The following GORASP2 variants were observed in gnomAD, a reference collection of about 807,000 sequenced individuals.
GORASP2 encodes the protein golgi reassembly stacking protein 2.
A neutral mutation model predicts 45.7 loss-of-function variants in GORASP2; 22 were observed. The ratio of observed to expected loss-of-function variants is 0.48; its 90% CI spans 0.34 to 0.69. The LOEUF (loss-of-function observed/expected upper bound fraction) is 0.69. Among genes scored for constraint, GORASP2 ranks in the 30% least tolerant of loss-of-function variants. GORASP2 has a pLI of 0.01. For missense variants in GORASP2, 491 were observed against 562.7 expected (o/e 0.87, Z 1.29); for synonymous variants, 221 against 215.6 (o/e 1.02, Z -0.22).
At chr2:170,936,285 G>A (rs1413211140) in intron 1 of GORASP2, among the ~76,000 whole-genome samples, 1 of 138,508 alleles carries the variant, frequency 7.2e-6, no homozygotes, top group Non-Finnish European at 1.5e-5. Flanking sequence ...GGAGTGTTGT[G>A]GTGTGGTCAT....
At chr2:170,948,945 T>C (rs1160127143) in intron 2 of GORASP2, among the ~76,000 whole-genome samples, 2 of 152,216 alleles carry the variant, frequency 1.3e-5, no homozygotes, top group Admixed American at 6.5e-5. Flanking sequence ...AAAGAAATTA[T>C]ATAATCTCAG....
At chr2:170,933,458 T>C (rs1019093089) in intron 1 of GORASP2, among the ~76,000 whole-genome samples, 1 of 152,140 alleles carries the variant, frequency 6.6e-6, no homozygotes, top group Non-Finnish European at 1.5e-5. Context: ...AGGTGAGAAA[T>C]TGTTAAACAA....
At chr2:170,931,077 TTATG>T (rs1471594052) in intron 1 of GORASP2, among the ~76,000 whole-genome samples, 3 of 152,058 alleles carry the variant, frequency 2.0e-5, no homozygotes, top group Non-Finnish European at 4.4e-5. Context: ...TGTATTTTCT[TTATG>T]TAAGTGCAGT....
chr2:170,944,790 A>AG (rs1368142664), intron 1 of GORASP2, among the ~76,000 whole-genome samples: 1 of 152,200 alleles, frequency 6.6e-6, no homozygotes. Context: ...TCAGTGACCT[A>AG]GTTGAGTTCT....
At chr2:170,930,675 A>G (rs2105307534) in intron 1 of GORASP2, among the ~76,000 whole-genome samples, 1 of 152,178 alleles carries the variant, frequency 6.6e-6, no homozygotes, top group East Asian at 1.9e-4. Context: ...CGAAAGGAAA[A>G]GGGAGCCTAT....
chr2:170,935,757 G>A (rs188716697), intron 1 of GORASP2, among the ~76,000 whole-genome samples: 5 of 151,874 alleles, frequency 3.3e-5, no homozygotes, highest in African/African-American at 1.2e-4. Flanking sequence ...TGTATTTTCG[G>A]TAGAGATGGG....
intron 7 of GORASP2, among the ~76,000 whole-genome samples, chr2:170,960,156 A>T (rs1025282877): frequency 6.6e-6 from 1 of 151,958 alleles, no homozygotes; most frequent in East Asian, 1.9e-4. Flanking sequence ...ATGTATTTTG[A>T]TCTTTCTCCT....
At chr2:170,939,367 C>T (rs1704023568) in intron 1 of GORASP2, among the ~76,000 whole-genome samples, 1 of 152,202 alleles carries the variant, frequency 6.6e-6, no homozygotes, top group Non-Finnish European at 1.5e-5. Context: ...TTGAACTCTT[C>T]TAGTCTACTG....
chr2:170,955,822 C>A (rs755189020), intron 6 of GORASP2, among the ~76,000 whole-genome samples: 1 of 152,178 alleles, frequency 6.6e-6, no homozygotes, highest in Admixed American at 6.5e-5. Context: ...CAGGTTGTCT[C>A]GGAATGTACT....
intron 7 of GORASP2, among the ~76,000 whole-genome samples, chr2:170,957,438 C>T (rs1704452974): frequency 6.6e-6 from 1 of 152,112 alleles, no homozygotes; most frequent in Non-Finnish European, 1.5e-5. Context: ...CACCATACGG[C>T]AGCCAATTTT....
At chr2:170,961,209 A>G (rs954770797) in intron 7 of GORASP2, among the ~76,000 whole-genome samples, 3 of 152,180 alleles carry the variant, frequency 2.0e-5, no homozygotes, top group African/African-American at 7.2e-5. Context: ...CAGGCCATCT[A>G]TGTCATTCTT....
At position 170,949,670 on chromosome 2, in the gene GORASP2, C is replaced by T. The variant is rs1434151517; in HGVS notation, c.276C>T (p.Gly92=). 6.2e-7 allele frequency: 1 copy of T among 1,614,072 alleles called. No individual in the cohort carries two copies. The highest frequency in any genetic ancestry group is 1.7e-5 in the Admixed American group (1 of 60,008). The part of the protein sequence containing the change: ...TSVTPSNLWG[G]QGLLGVSIRF... ...TCACACCAAGTAACCTGTGGGGCGGCCAGGGCTTATTGGGAGTGAGCATTC... is the reference window on the plus strand; with the variant it reads ...TCACACCAAGTAACCTGTGGGGCGGTCAGGGCTTATTGGGAGTGAGCATTC... The change falls in exon 3 of 10, where the codon GGC becomes GGT. Residue 92 remains glycine (G), a synonymous_variant. Coordinates refer to ENST00000234160, the MANE Select transcript of GORASP2 (RefSeq NM_015530.5).
chr2:170,934,859 T>C (rs1218729047), intron 1 of GORASP2, among the ~76,000 whole-genome samples: 4 of 152,058 alleles, frequency 2.6e-5, no homozygotes, highest in Non-Finnish European at 5.9e-5. Context: ...TGCCTCAGCC[T>C]CCAGAGTGGC....
In GORASP2 at chr2:170,929,264, G is replaced by A. The variant is rs949453156; in HGVS notation, c.-77G>A. ...GAGTGCCACGTCCCAAGTGCTACGCGGAGGATTAGAGCAGGCGGTGCGCTG... is the reference window on the plus strand; with the variant it reads ...GAGTGCCACGTCCCAAGTGCTACGCAGAGGATTAGAGCAGGCGGTGCGCTG... On this transcript the variant is annotated 5_prime_UTR_variant, in exon 1 of 10. Transcript: ENST00000234160. The A allele has an allele frequency of 4.3e-6, 5 of 1,157,458 alleles. No homozygotes were observed. Among genetic ancestry groups the A allele is most frequent in the Admixed American group, 4.2e-5 (1 of 23,882 alleles). 71.7% of individuals were successfully genotyped at this position (1,157,458 alleles called of 1,614,324 possible). A position where few individuals can be genotyped will look rare whatever the true frequency, so the allele number is the denominator to read the frequency against.
intron 1 of GORASP2, among the ~76,000 whole-genome samples, chr2:170,930,552 GAGAC>G (rs1469716496): frequency 6.6e-6 from 1 of 152,188 alleles, no homozygotes; most frequent in Admixed American, 6.5e-5. Context: ...TGATAGGGCT[GAGAC>G]AGATCATCTT....
chr2:170,948,171 G>A (rs990346572), intron 1 of GORASP2, among the ~76,000 whole-genome samples, 179 bp from the exon 2 acceptor site: 2 of 152,062 alleles, frequency 1.3e-5, no homozygotes, highest in African/African-American at 4.8e-5. Context: ...TAAAGAATGG[G>A]TAGAGTTTAG....
chr2:170,960,914 A>G (rs1245414832), intron 7 of GORASP2, among the ~76,000 whole-genome samples: 3 of 152,234 alleles, frequency 2.0e-5, no homozygotes, highest in African/African-American at 7.2e-5. Flanking sequence ...TCTGGAATCT[A>G]TGCTAGATAA....
At chr2:170,963,374 CAA>C (rs766498214) in intron 9 of GORASP2, among the ~76,000 whole-genome samples, 16 of 76,538 alleles carry the variant, frequency 2.1e-4, no homozygotes, top group Admixed American at 3.1e-4. Flanking sequence ...GACTTCATCT[CAA>C]AAAAAAAAAA....
intron 1 of GORASP2, among the ~76,000 whole-genome samples, chr2:170,947,907 G>A (rs1436874205): frequency 6.6e-6 from 1 of 152,120 alleles, no homozygotes; most frequent in Admixed American, 6.5e-5. Flanking sequence ...GATCCCTTGA[G>A]CCCAGGAGTT....
Sources: allele counts gnomAD v4.1 joint callset (sites outside exome capture counted in the v4.1 genomes callset), GRCh38; gene constraint gnomAD v4.1.1; transcripts MANE v1.5; gene names NCBI Gene and HGNC (gene_info 2026-07-23, HGNC 2026-07-21).